The following KAT6B variants were observed in gnomAD, a reference collection of about 807,000 sequenced individuals.
KAT6B encodes lysine acetyltransferase 6B, also known as histone acetyltransferase KAT6B.
Under a neutral mutation model 187.5 loss-of-function variants are expected in KAT6B, and 10 were observed. That is an observed-to-expected ratio of 0.05 (90% CI 0.03 to 0.09). The LOEUF is 0.09. Ranked by LOEUF, KAT6B falls within the 10% of genes least tolerant of loss-of-function variation. KAT6B has a pLI of 1.00. For synonymous variants in KAT6B, 861 were observed against 926.8 expected (o/e 0.93, Z 1.29); for missense variants, 1,952 against 2,558.9 (o/e 0.76, Z 5.12).
rs368783437 is a variant in KAT6B, at chr10:75,028,940, A to G, written c.4116A>G (p.Glu1372=). Residue 1372 remains glutamate (E), a synonymous_variant, in exon 18 of 18, where the codon GAA becomes GAG. Transcript: ENST00000287239. The stretch of plus-strand genomic sequence containing the variant: ...AGGAAGAAGAGGAAGGGGAAGAAGA[A>G]GAAGGAGGAGGAAATGTAGAAAAAG... ...EEEEEEEGEE[E]EGGGNVEKDP... 3.7e-6 allele frequency: 6 copies of G among 1,610,854 alleles called. No individual in the cohort carries two copies. In the African/African-American group the frequency reaches 8.2e-5, roughly 22 times the overall value.
At chr10:74,977,524 GA>G (rs921083163) in intron 9 of KAT6B, 87 bp downstream of exon 9, 20 of 1,486,692 alleles carry the variant, frequency 1.3e-5, no homozygotes, top group Non-Finnish European at 1.8e-5. Flanking sequence ...ATTTTATAGA[GA>G]ATCCCTTTCA....
At chr10:74,916,806 A>G (rs763862919) in intron 3 of KAT6B, among the ~76,000 whole-genome samples, 2 of 152,210 alleles carry the variant, frequency 1.3e-5, no homozygotes, top group Non-Finnish European at 1.5e-5. Context: ...AACTTTGTAT[A>G]AAAACTAAAC....
chr10:74,888,049 C>G (rs1845407002), intron 3 of KAT6B, among the ~76,000 whole-genome samples: 1 of 152,174 alleles, frequency 6.6e-6, no homozygotes, highest in Non-Finnish European at 1.5e-5. Context: ...AGAGCACTGA[C>G]TGACACCTGC....
intron 3 of KAT6B, among the ~76,000 whole-genome samples, chr10:74,904,886 C>T (rs1345575499): frequency 6.6e-6 from 1 of 152,026 alleles, no homozygotes; most frequent in African/African-American, 2.4e-5. Flanking sequence ...ACAGCAGTGG[C>T]CTCTATTTGT....
intron 4 of KAT6B, 72 bp downstream of exon 4, chr10:74,960,150 A>G (rs746102132): frequency 5.1e-5 from 51 of 991,902 alleles, no homozygotes; most frequent in South Asian, 7.7e-5. Flanking sequence ...TTGTCTCTCT[A>G]TTAAAACTGT....
chr10:74,990,005 G>T (rs1020592691), intron 13 of KAT6B, among the ~76,000 whole-genome samples: 1 of 151,740 alleles, frequency 6.6e-6, no homozygotes, highest in Non-Finnish European at 1.5e-5. Context: ...GACCATCCTG[G>T]CCAACATGGT....
chr10:74,925,534 G>A (rs909907268), intron 3 of KAT6B, among the ~76,000 whole-genome samples: 3 of 151,768 alleles, frequency 2.0e-5, no homozygotes, highest in Non-Finnish European at 4.4e-5. Context: ...ACCTATGCCT[G>A]GAAATTGAGT....
At chr10:74,922,217 T>G (rs1848188804) in intron 3 of KAT6B, among the ~76,000 whole-genome samples, 1 of 152,234 alleles carries the variant, frequency 6.6e-6, no homozygotes, top group Admixed American at 6.5e-5. Context: ...TAAGGATGGC[T>G]TTTTAGTTTG....
intron 13 of KAT6B, among the ~76,000 whole-genome samples, chr10:75,019,112 C>A (rs924534512): frequency 2.6e-5 from 4 of 152,206 alleles, no homozygotes; most frequent in African/African-American, 9.7e-5. Context: ...TCCTGACACA[C>A]TGCTATTGAA....
chr10:74,840,901 T>G (rs554578896), intron 2 of KAT6B, among the ~76,000 whole-genome samples: 47 of 152,352 alleles, frequency 3.1e-4, no homozygotes, highest in African/African-American at 1.1e-3. Flanking sequence ...TATTCTTCAG[T>G]ATGTCTGGCT....
intron 1 of KAT6B, among the ~76,000 whole-genome samples, chr10:74,831,702 G>A (rs998624956): frequency 3.3e-5 from 5 of 152,210 alleles, no homozygotes; most frequent in Non-Finnish European, 5.9e-5. Context: ...TTATGAGCTA[G>A]CATTTTATTG....
At chr10:74,992,678 C>A (rs1843189063) in intron 13 of KAT6B, among the ~76,000 whole-genome samples, 2 of 152,202 alleles carry the variant, frequency 1.3e-5, no homozygotes, top group African/African-American at 4.8e-5. Flanking sequence ...GGGCTTTGAA[C>A]ACTGTTCTTC....
intron 3 of KAT6B, among the ~76,000 whole-genome samples, chr10:74,860,620 A>G (rs1368568694): frequency 2.6e-5 from 4 of 152,204 alleles, no homozygotes; most frequent in Non-Finnish European, 5.9e-5. Context: ...AAATCAACAC[A>G]TACCTAGTGA....
Position 74,979,309 on chromosome 10 carries a change from A to T in KAT6B, c.2201A>T (p.Tyr734Phe). 1 of 1,613,324 alleles carries T rather than the reference A, an allele frequency of 6.2e-7. No individual in the cohort carries two copies. The highest frequency in any genetic ancestry group is 8.5e-7 in the Non-Finnish European group (1 of 1,179,422). The change falls in exon 10 of 18, where the codon TAC becomes TTC. Residue 734 changes from tyrosine (Y) to phenylalanine (F), a missense_variant. Tyr to Phe is a conservative substitution (Grantham distance 22, BLOSUM62 3). This residue lies in a region of KAT6B where 87 missense variants were observed against 191.8 expected (regional missense o/e 0.45). Transcript: ENST00000287239. Reference protein sequence around the residue: ...EFGKYEIQTWYSSPYPQEYAR... With the variant: ...EFGKYEIQTWFSSPYPQEYAR... Reference sequence around the variant, plus strand: ...GGTAAATATGAAATCCAAACCTGGTACTCCTCGCCTTACCCACAGGAATAT... The same window carrying T: ...GGTAAATATGAAATCCAAACCTGGTTCTCCTCGCCTTACCCACAGGAATAT...
At chr10:74,843,717 T>C (rs1282440754) in intron 3 of KAT6B, among the ~76,000 whole-genome samples, 1 of 152,186 alleles carries the variant, frequency 6.6e-6, no homozygotes, top group Admixed American at 6.5e-5. Flanking sequence ...TAAGCTCTAA[T>C]TGCTAACTGG....
chr10:74,973,100 T>TC (rs1841949014), intron 7 of KAT6B, among the ~76,000 whole-genome samples: 1 of 152,236 alleles, frequency 6.6e-6, no homozygotes, highest in Non-Finnish European at 1.5e-5. Context: ...CTTTTTAAGA[T>TC]CTCTTTTATG....
At chr10:75,020,481 A>G in intron 13 of KAT6B, 101 bp from the exon 14 acceptor site, 4 of 812,210 alleles carry the variant, frequency 4.9e-6, no homozygotes, top group Non-Finnish European at 8.5e-6. Context: ...CTCTGTTGTG[A>G]TGTTTTTACC....
chr10:74,986,950 A>T (rs1351027350), intron 12 of KAT6B, among the ~76,000 whole-genome samples: 1 of 150,202 alleles, frequency 6.7e-6, no homozygotes, highest in Non-Finnish European at 1.5e-5. Context: ...GTTGGTGGTG[A>T]TTCTTGAAGT....
chr10:75,016,256 A>G (rs1564622431), intron 13 of KAT6B, among the ~76,000 whole-genome samples: 1 of 152,216 alleles, frequency 6.6e-6, no homozygotes, highest in Non-Finnish European at 1.5e-5. Flanking sequence ...GCTAGTTAAC[A>G]TGAGATTTGA....
Sources: allele counts gnomAD v4.1 joint callset (sites outside exome capture counted in the v4.1 genomes callset), GRCh38; gene constraint gnomAD v4.1.1; regional missense constraint gnomAD v4.1.1; transcripts MANE v1.5; gene names NCBI Gene and HGNC (gene_info 2026-07-23, HGNC 2026-07-21).